Variants in HNF4A observed in about 807,000 individuals in gnomAD.
HNF4A encodes hepatocyte nuclear factor 4-alpha.
Under a neutral mutation model 52.4 loss-of-function variants are expected in HNF4A, and 15 were observed. The ratio of observed to expected loss-of-function variants is 0.29; its 90% CI spans 0.19 to 0.44. The LOEUF is 0.44. Ranked by LOEUF, HNF4A falls within the 20% of genes least tolerant of loss-of-function variation. The pLI, the probability that HNF4A is intolerant of heterozygous loss-of-function variation, is 1.00. For synonymous variants in HNF4A, 280 were observed against 264.4 expected, an observed-to-expected ratio of 1.06 and a Z score of -0.57; for missense variants, 479 against 647.2, an observed-to-expected ratio of 0.74 and a Z score of 2.82.
intron 1 of HNF4A, among the ~76,000 whole-genome samples, chr20:44,387,288 TAAAA>T (rs537843651): frequency 1.4e-3 from 116 of 82,012 alleles, no homozygotes; most frequent in Non-Finnish European, 1.9e-3. Flanking sequence ...AACTTCATCT[TAAAA>T]AAAAAAAAAA....
chr20:44,407,238 C>T, intron 2 of HNF4A, 143 bp from the exon 3 acceptor site: 2 of 720,264 alleles, frequency 2.8e-6, no homozygotes, highest in Middle Eastern at 4.7e-4. Context: ...TTTCCAGCTC[C>T]TGGTGGGTTC....
At chr20:44,378,233 C>T (rs959807191) in intron 1 of HNF4A, among the ~76,000 whole-genome samples, 10 of 151,056 alleles carry the variant, frequency 6.6e-5, no homozygotes, top group African/African-American at 1.9e-4. Flanking sequence ...AATTTGTAGG[C>T]ATTTTTTAGC....
chr20:44,370,703 A>G (rs1054324217), intron 1 of HNF4A, among the ~76,000 whole-genome samples: 1 of 152,194 alleles, frequency 6.6e-6, no homozygotes, highest in Non-Finnish European at 1.5e-5. Flanking sequence ...TAGGCGCCCC[A>G]TAAGTATTTG....
intron 1 of HNF4A, among the ~76,000 whole-genome samples, chr20:44,365,459 T>C (rs977525083): frequency 4.6e-5 from 7 of 151,328 alleles, no homozygotes; most frequent in African/African-American, 1.5e-4. Context: ...TGTGAGCTAC[T>C]GCACCTGGCC....
intron 1 of HNF4A, among the ~76,000 whole-genome samples, chr20:44,371,352 A>G (rs1342273599): frequency 6.6e-6 from 1 of 152,178 alleles, no homozygotes; most frequent in African/African-American, 2.4e-5. Flanking sequence ...ATCTGGGCTC[A>G]CTGCAATCTC....
chr20:44,407,941 A>C (rs907967288), intron 3 of HNF4A, among the ~76,000 whole-genome samples: 3 of 152,208 alleles, frequency 2.0e-5, no homozygotes, highest in African/African-American at 7.2e-5. Context: ...CAGTTCCCTT[A>C]GTATTCATTC....
At chr20:44,365,396 A>C (rs983388539) in intron 1 of HNF4A, among the ~76,000 whole-genome samples, 6 of 151,668 alleles carry the variant, frequency 4.0e-5, no homozygotes, top group African/African-American at 1.5e-4. Flanking sequence ...CTGGTTTCCT[A>C]CTCCTGTCCT....
intron 1 of HNF4A, chr20:44,390,685 G>A (rs1568708593): frequency 1.4e-6 from 1 of 701,980 alleles, no homozygotes; most frequent in Admixed American, 2.0e-5. Context: ...ACCAGGTATG[G>A]TCCTGACTCC....
In HNF4A at chr20:44,401,421, G is replaced by A. The variant is rs2146340505; in HGVS notation, c.49G>A (p.Ala17Thr). 6.2e-7 allele frequency: 1 copy of A among 1,614,234 alleles called. No homozygotes were observed. ...CGACATGGACATGGCCGACTACAGT[G>A]CTGCACTGGACCCAGCCTACACCAC... Residue 17 changes from alanine (A) to threonine (T), a missense_variant, in exon 1 of 10, where the codon GCT (alanine) becomes ACT (threonine). Ala to Thr is a moderately conservative substitution (Grantham distance 58). This residue lies in a region of HNF4A where 90 missense variants were observed against 105.5 expected (regional missense o/e 0.85). Coordinates refer to ENST00000316099, the MANE Select transcript of HNF4A (RefSeq NM_000457.6).
chr20:44,401,872 A>C (rs2063415012), intron 1 of HNF4A, among the ~76,000 whole-genome samples: 1 of 151,898 alleles, frequency 6.6e-6, no homozygotes, highest in Non-Finnish European at 1.5e-5. Flanking sequence ...CCTTGGGCCT[A>C]GGTTCAGAGA....
At chr20:44,370,150 C>A (rs368449160) in intron 1 of HNF4A, among the ~76,000 whole-genome samples, 3 of 152,216 alleles carry the variant, frequency 2.0e-5, no homozygotes, top group African/African-American at 4.8e-5. Flanking sequence ...CCTCAGCCCC[C>A]CCAAGTAGCT....
rs11450239 is a variant in HNF4A at position 44,432,344 on chromosome 20, C to CTTTTTTTTTTT, written c.*2693_*2703dup. 87 of 58,948 alleles carry CTTTTTTTTTTT rather than the reference C, an allele frequency of 1.5e-3. No homozygotes were observed. The highest frequency in any genetic ancestry group is 1.9e-3 in the Non-Finnish European group (63 of 33,098). 3.7% of individuals were successfully genotyped at this position (58,948 alleles called of 1,614,324 possible). A position where few individuals can be genotyped will look rare whatever the true frequency, so the allele number is the denominator to read the frequency against. ...ATGATATTAGAAAATCTCTCGCTCT[C>CTTTTTTTTTTT]TTTTTTTTTTTTTTTTTTTTTTTTG... On this transcript the variant is annotated 3_prime_UTR_variant, in exon 10 of 10. Coordinates refer to ENST00000316099, the MANE Select transcript of HNF4A (RefSeq NM_000457.6).
chr20:44,391,780 T>C (rs1169909396), intron 1 of HNF4A, among the ~76,000 whole-genome samples: 1 of 152,188 alleles, frequency 6.6e-6, no homozygotes. Context: ...TTACATGCTA[T>C]CTGGTCTGTA....
At chr20:44,424,420 A>G in intron 8 of HNF4A, 166 bp downstream of exon 8, 1 of 1,228,586 alleles carries the variant, frequency 8.1e-7, no homozygotes, top group Non-Finnish European at 1.2e-6. Flanking sequence ...AAATGGGAAC[A>G]AGGCAATGGT....
chr20:44,405,207 C>T (rs942764869), intron 1 of HNF4A, among the ~76,000 whole-genome samples: 7 of 152,052 alleles, frequency 4.6e-5, no homozygotes, highest in African/African-American at 1.7e-4. Flanking sequence ...TCTATCTTTG[C>T]TGAAAGATTT....
chr20:44,399,580 C>G (rs1268070225), upstream of HNF4A, among the ~76,000 whole-genome samples: 12 of 152,152 alleles, frequency 7.9e-5, no homozygotes, highest in African/African-American at 2.4e-5. Context: ...TCATACCACT[C>G]GAACACACAT....
intron 5 of HNF4A, 61 bp from the exon 6 acceptor site, chr20:44,418,364 T>A (rs2063695500): frequency 7.3e-7 from 1 of 1,367,588 alleles, no homozygotes; most frequent in Non-Finnish European, 1.0e-6. Flanking sequence ...CGTCACTGAG[T>A]TGGCTACGGG....
chr20:44,383,159 C>T (rs2063176425), intron 1 of HNF4A, among the ~76,000 whole-genome samples: 1 of 152,038 alleles, frequency 6.6e-6, no homozygotes, highest in African/African-American at 2.4e-5. Context: ...GACAGAGACC[C>T]TGTCTCAAAA....
chr20:44,405,970 G>A (rs961726082), intron 1 of HNF4A, 88 bp from the exon 2 acceptor site: 19 of 1,306,236 alleles, frequency 1.5e-5, no homozygotes, highest in African/African-American at 1.3e-4. Context: ...GGCTGAGGCC[G>A]AAGCCCTGGA....
Sources: allele counts gnomAD v4.1 joint callset (sites outside exome capture counted in the v4.1 genomes callset), GRCh38; gene constraint gnomAD v4.1.1; regional missense constraint gnomAD v4.1.1; transcripts MANE v1.5; gene names NCBI Gene and HGNC (gene_info 2026-07-23, HGNC 2026-07-21).